The following MTUS2 variants were observed in gnomAD, a reference collection of about 807,000 sequenced individuals.
The protein encoded by MTUS2 is microtubule associated scaffold protein 2, also known as microtubule-associated tumor suppressor candidate 2.
A neutral mutation model predicts 114.1 loss-of-function variants in MTUS2; 40 were observed. The observed-to-expected ratio is 0.35, with a 90% CI of 0.27 to 0.46. MTUS2 has a LOEUF of 0.46. Ranked by LOEUF, MTUS2 falls within the 20% of genes least tolerant of loss-of-function variation. The pLI, the probability that MTUS2 is intolerant of heterozygous loss-of-function variation, is 1.00. For synonymous variants in MTUS2, 688 were observed against 672.0 expected, an observed-to-expected ratio of 1.02 and a Z score of -0.37; for missense variants, 1,679 against 1,705.4, an observed-to-expected ratio of 0.98 and a Z score of 0.27.
At chr13:28,839,875 G>T (rs1422044906) in intron 2 of MTUS2, 25 bp downstream of exon 2, 1 of 151,644 alleles carries the variant, frequency 6.6e-6, no homozygotes, top group African/African-American at 2.4e-5. Context: ...ATTTCTACCT[G>T]ATTTATTATT....
In MTUS2 at chr13:29,505,131, T is replaced by C; in HGVS notation, c.*1925T>C. On this transcript the variant is annotated 3_prime_UTR_variant, in exon 16 of 16. Coordinates refer to ENST00000612955, the MANE Select transcript of MTUS2 (RefSeq NM_001033602.4). ...TGTGATATTGAGTTGGGCATTCCAT[T>C]AGAGTAGATCTTGCCACATTGACTA... The C allele has an allele frequency of 4.3e-6, 1 of 232,164 alleles. No individual in the cohort carries two copies. Among genetic ancestry groups the C allele is most frequent in the Non-Finnish European group, 8.5e-6 (1 of 117,108 alleles). The allele number at this position is 232,164 out of a possible 1,614,324, so 14.4% of individuals were successfully genotyped here.
intron 5 of MTUS2, among the ~76,000 whole-genome samples, chr13:29,197,145 G>T (rs903465738): frequency 1.3e-5 from 2 of 152,094 alleles, no homozygotes; most frequent in East Asian, 1.9e-4. Flanking sequence ...GTGGTTTGCC[G>T]CACCCATCAA....
At chr13:29,241,680 G>A (rs1260152216) in intron 5 of MTUS2, among the ~76,000 whole-genome samples, 1 of 152,148 alleles carries the variant, frequency 6.6e-6, no homozygotes, top group African/African-American at 2.4e-5. Flanking sequence ...AGGGTTTCTT[G>A]GACAAGAACC....
At chr13:29,472,721 G>T (rs567573775) in intron 9 of MTUS2, among the ~76,000 whole-genome samples, 2 of 152,290 alleles carry the variant, frequency 1.3e-5, no homozygotes, top group East Asian at 3.9e-4. Flanking sequence ...TGTTGCATTT[G>T]TCTATAATGG....
chr13:28,894,099 A>G (rs981496292), intron 2 of MTUS2, among the ~76,000 whole-genome samples: 3 of 151,458 alleles, frequency 2.0e-5, no homozygotes, highest in East Asian at 3.9e-4. Context: ...TTTTTCTGCT[A>G]TGGACTGAAT....
chr13:29,435,179 G>A (rs1290573348), intron 8 of MTUS2, among the ~76,000 whole-genome samples: 1 of 152,210 alleles, frequency 6.6e-6, no homozygotes, highest in Non-Finnish European at 1.5e-5. Flanking sequence ...TGTTCTTAAA[G>A]TGTCAGTTTC....
rs140731486 is a variant in MTUS2, at chr13:29,505,945, C to T, written c.*2739C>T. 31 of 206,408 alleles carry T rather than the reference C, an allele frequency of 1.5e-4. No homozygotes were observed. The highest frequency in any genetic ancestry group is 1.6e-3 in the Middle Eastern group (1 of 642). The allele number at this position is 206,408 out of a possible 1,614,324, so 12.8% of individuals were successfully genotyped here. On this transcript the variant is annotated 3_prime_UTR_variant, in exon 16 of 16. Transcript: ENST00000612955. Reference sequence around the variant, plus strand: ...TAAAATAAACTTGAGGGACTTTCTGCGATATCTACTTGATGTAACTGGAGA... The same window carrying T: ...TAAAATAAACTTGAGGGACTTTCTGTGATATCTACTTGATGTAACTGGAGA...
chr13:29,428,706 G>A (rs1876754083), intron 8 of MTUS2: 1 of 1,334,236 alleles, frequency 7.5e-7, no homozygotes, highest in South Asian at 1.4e-5. Context: ...GGAGAAATAA[G>A]GTAGCCAAGG....
chr13:29,025,926 C>T lies in MTUS2; in HGVS notation c.1228C>T (p.Pro410Ser), dbSNP rs889844824. 2 of 1,613,718 alleles carry T rather than the reference C, an allele frequency of 1.2e-6. No homozygotes were observed. The highest frequency in any genetic ancestry group is 1.7e-6 in the Non-Finnish European group (2 of 1,179,816). ...SASLGGADNQ[P>S]TGKISPCAGE... is the part of the protein sequence containing the mutation. ...TTCCTTAGGAGGGGCTGATAATCAG[C>T]CCACTGGCAAAATTTCACCATGTGC... is the stretch of plus-strand genomic sequence containing the variant. Residue 410 changes from proline (P) to serine (S), a missense_variant, in exon 3 of 16, where the codon CCC becomes TCC. This residue lies in a region of MTUS2 where 843 missense variants were observed against 770.8 expected (regional missense o/e 1.09). Transcript: ENST00000612955.
intron 9 of MTUS2, among the ~76,000 whole-genome samples, chr13:29,466,599 A>T (rs1879903687): frequency 6.6e-6 from 1 of 152,178 alleles, no homozygotes; most frequent in Admixed American, 6.5e-5. Flanking sequence ...TCATACGGCC[A>T]GGTGTGGTGG....
chr13:28,923,672 T>G (rs1005674787), intron 2 of MTUS2, among the ~76,000 whole-genome samples: 1 of 152,078 alleles, frequency 6.6e-6, no homozygotes, highest in Non-Finnish European at 1.5e-5. Flanking sequence ...TGTGTTGAGA[T>G]CTCTCTTAGT....
chr13:29,062,499 C>T (rs1888468779), intron 4 of MTUS2, among the ~76,000 whole-genome samples: 6 of 152,244 alleles, frequency 3.9e-5, no homozygotes, highest in African/African-American at 9.6e-5. Flanking sequence ...AGAAACAGCC[C>T]GTGATGCTGT....
chr13:29,026,396 G>A lies in MTUS2; in HGVS notation c.1698G>A (p.Gly566=), dbSNP rs770839598. 2 of 1,613,858 alleles carry A rather than the reference G, an allele frequency of 1.2e-6. No homozygotes were observed. Among genetic ancestry groups the A allele is most frequent in the Non-Finnish European group, 1.7e-6 (2 of 1,179,828 alleles). Residue 566 remains glycine (G), a synonymous_variant, in exon 3 of 16, where the codon GGG becomes GGA. Transcript: ENST00000612955. ...QDVSVFGMDA[G]SPLVVPPPTD... is the part of the protein sequence containing the mutation. ...TTAGCGTGTTCGGTATGGATGCGGG[G>A]TCCCCCTTGGTAGTTCCACCCCCTA...
chr13:28,944,020 A>AT (rs1882383018), intron 2 of MTUS2, among the ~76,000 whole-genome samples: 1 of 151,990 alleles, frequency 6.6e-6, no homozygotes, highest in Non-Finnish European at 1.5e-5. Context: ...TTGGTGTTAG[A>AT]TTTTTACGTA....
chr13:28,928,918 T>C (rs1881469683), intron 2 of MTUS2, among the ~76,000 whole-genome samples: 1 of 152,226 alleles, frequency 6.6e-6, no homozygotes, highest in South Asian at 2.1e-4. Context: ...CGTATGTGTG[T>C]GTGTGTCTGA....
intron 5 of MTUS2, among the ~76,000 whole-genome samples, chr13:29,197,163 T>A (rs964159769): frequency 6.6e-6 from 1 of 152,106 alleles, no homozygotes; most frequent in Non-Finnish European, 1.5e-5. Context: ...CAACCCATCA[T>A]CTGGATTTTA....
chr13:29,078,977 T>A (rs1889319178), intron 4 of MTUS2, among the ~76,000 whole-genome samples: 1 of 152,230 alleles, frequency 6.6e-6, no homozygotes, highest in African/African-American at 2.4e-5. Context: ...CTGTATTTAA[T>A]CTTCCAAGAA....
At chr13:29,380,358 G>T (rs1872111892) in intron 8 of MTUS2, among the ~76,000 whole-genome samples, 1 of 152,208 alleles carries the variant, frequency 6.6e-6, no homozygotes, top group Admixed American at 6.5e-5. Context: ...TTGTGCTACT[G>T]TGAATTTTGT....
At chr13:29,031,287 C>G (rs1380505399) in intron 3 of MTUS2, among the ~76,000 whole-genome samples, 19 of 41,162 alleles carry the variant, frequency 4.6e-4, no homozygotes, top group Admixed American at 1.7e-3. Context: ...GTTCACAGGT[C>G]TATATTCATC....
Sources: gnomAD v4.1 joint callset for allele counts (sites outside exome capture counted in the v4.1 genomes callset) on GRCh38, gnomAD v4.1.1 for gene constraint, gnomAD v4.1.1 regional missense constraint, MANE v1.5 for transcripts, NCBI Gene and HGNC (gene_info 2026-07-23, HGNC 2026-07-21) for gene names.